The following CDH8 variants were observed in gnomAD, a reference collection of about 807,000 sequenced individuals.
The protein encoded by CDH8 is cadherin 8, also known as cadherin-8.
A neutral mutation model predicts 68.1 loss-of-function variants in CDH8; 17 were observed. The observed-to-expected ratio is 0.25, with a 90% CI of 0.17 to 0.37. The LOEUF (loss-of-function observed/expected upper bound fraction) is 0.37, where lower values mean the gene tolerates loss of function less well. Ranked by LOEUF, CDH8 falls within the 10% of genes least tolerant of loss-of-function variation. The pLI, the probability that CDH8 is intolerant of heterozygous loss-of-function variation, is 1.00. For synonymous variants in CDH8, 372 were observed against 365.1 expected (o/e 1.02, Z -0.21); for missense variants, 763 against 999.3 (o/e 0.76, Z 3.19).
At chr16:61,751,040 G>A (rs905075875) in intron 8 of CDH8, among the ~76,000 whole-genome samples, 2 of 151,946 alleles carry the variant, frequency 1.3e-5, no homozygotes, top group African/African-American at 4.8e-5. Flanking sequence ...GAAAATAAAA[G>A]CAAAGGAAGG....
intron 10 of CDH8, among the ~76,000 whole-genome samples, chr16:61,704,975 T>A (rs2142855456): frequency 6.6e-6 from 1 of 152,306 alleles, no homozygotes; most frequent in East Asian, 1.9e-4. Context: ...CAGTATCACC[T>A]TCTTTTCAGA....
chr16:61,949,531 T>C (rs1257010765), intron 2 of CDH8, among the ~76,000 whole-genome samples: 1 of 152,078 alleles, frequency 6.6e-6, no homozygotes, highest in African/African-American at 2.4e-5. Context: ...GCTCACTCTT[T>C]GGGTCCACAC....
intron 7 of CDH8, among the ~76,000 whole-genome samples, chr16:61,811,063 G>A (rs1032007918): frequency 2.0e-5 from 3 of 150,822 alleles, no homozygotes; most frequent in Non-Finnish European, 3.0e-5. Flanking sequence ...TTAGATAACT[G>A]TGAAGGGCTT....
intron 2 of CDH8, among the ~76,000 whole-genome samples, chr16:61,966,275 C>T (rs1965251027): frequency 6.6e-6 from 1 of 152,092 alleles, no homozygotes; most frequent in Non-Finnish European, 1.5e-5. Context: ...CGCCGTGGCT[C>T]ACGTCTGTAA....
intron 8 of CDH8, among the ~76,000 whole-genome samples, chr16:61,731,022 G>C (rs552498220): frequency 1.2e-4 from 18 of 151,592 alleles, no homozygotes; most frequent in Non-Finnish European, 2.2e-4. Context: ...AAAGATTGAG[G>C]TCACTGCCTC....
At chr16:61,977,883 C>T (rs569619001) in intron 2 of CDH8, among the ~76,000 whole-genome samples, 12 of 152,200 alleles carry the variant, frequency 7.9e-5, no homozygotes, top group African/African-American at 2.9e-4. Flanking sequence ...GAGCTTATCA[C>T]ATGCCTAGCA....
chr16:61,907,840 C>T (rs951605531), intron 2 of CDH8, among the ~76,000 whole-genome samples: 2 of 151,870 alleles, frequency 1.3e-5, no homozygotes, highest in African/African-American at 4.8e-5. Flanking sequence ...GTCAGGAGAT[C>T]GAGACCATCC....
chr16:61,930,228 GAT>G (rs1407493223), intron 2 of CDH8, among the ~76,000 whole-genome samples: 5 of 151,758 alleles, frequency 3.3e-5, no homozygotes, highest in African/African-American at 1.2e-4. Flanking sequence ...TTAATAGAGT[GAT>G]TGCCCAGGAT....
chr16:61,719,994 AACACACACACACACAC>A (rs10595910), intron 9 of CDH8, among the ~76,000 whole-genome samples: 1 of 147,090 alleles, frequency 6.8e-6, no homozygotes, highest in African/African-American at 2.5e-5. Flanking sequence ...CTTATTAGGT[AACACACACACACACAC>A]ACACACACAC....
At position 61,652,895 on chromosome 16, in the gene CDH8, G is replaced by C. The variant is rs977346858; in HGVS notation, c.*713C>G. 4.6e-6 allele frequency: 7 copies of C among 1,525,860 alleles called. No homozygotes were observed. The African/African-American group carries it at 8.2e-5, about 18-fold the overall frequency. The allele number at this position is 1,525,860 out of a possible 1,614,324, so 94.5% of individuals were successfully genotyped here. The stretch of plus-strand genomic sequence containing the variant: ...TGAAGAGGAGGGAACGAGGAATCCT[G>C]CTTCTAGAAAACAAGCATGTTTGAA... On this transcript the variant is annotated 3_prime_UTR_variant, in exon 12 of 12. Transcript: ENST00000577390.
Position 61,653,095 on chromosome 16 carries a change from T to G in CDH8, c.*513A>C. On this transcript the variant is annotated 3_prime_UTR_variant, in exon 12 of 12. Coordinates refer to ENST00000577390, the MANE Select transcript of CDH8 (RefSeq NM_001796.5). Reference sequence around the variant, plus strand: ...ACCGTACTGTATAATCTAGGAGGCCTCTCAAAACTCCAAAAAGTTATAATG... The same window carrying G: ...ACCGTACTGTATAATCTAGGAGGCCGCTCAAAACTCCAAAAAGTTATAATG... The G allele has an allele frequency of 8.0e-7, 1 of 1,257,514 alleles. No individual in the cohort carries two copies. Among genetic ancestry groups the G allele is most frequent in the Non-Finnish European group, 1.0e-6 (1 of 1,002,092 alleles). The allele number at this position is 1,257,514 out of a possible 1,614,324, so 77.9% of individuals were successfully genotyped here. A position where few individuals can be genotyped will look rare whatever the true frequency, so the allele number is the denominator to read the frequency against.
intron 9 of CDH8, among the ~76,000 whole-genome samples, chr16:61,721,352 G>C (rs1471526744): frequency 6.6e-6 from 1 of 150,848 alleles, no homozygotes. Flanking sequence ...TCCCTCTTGT[G>C]TATGCAGATA....
intron 1 of CDH8, among the ~76,000 whole-genome samples, chr16:62,022,838 C>T (rs913605398): frequency 3.9e-5 from 6 of 152,168 alleles, no homozygotes; most frequent in Non-Finnish European, 7.3e-5. Flanking sequence ...AGTATCTGAT[C>T]TAACAAGATG....
At chr16:61,697,441 C>G (rs1334127773) in intron 10 of CDH8, among the ~76,000 whole-genome samples, 1 of 151,974 alleles carries the variant, frequency 6.6e-6, no homozygotes, top group Non-Finnish European at 1.5e-5. Context: ...GAGAACATCT[C>G]TTATCCACAA....
In CDH8 at chr16:61,977,004, GCTCCTGAA is replaced by G. The variant is rs568308867; in HGVS notation, c.252+44140_252+44147del. On this transcript the variant is annotated intron_variant, in intron 2 of 11. Transcript: ENST00000577390. ...ACCTAATAACACATGCAATCAATGG[GCTCCTGAA>G]CTGCATAATATAAGAAGTCAGAATT... is the stretch of plus-strand genomic sequence containing the variant. 3.9e-3 allele frequency among the ~76,000 whole-genome samples: 597 copies of G among 152,202 alleles called. 2 individuals carry two copies. Among genetic ancestry groups the G allele is most frequent in the African/African-American group, 0.014 (561 of 41,534 alleles).
At chr16:61,665,011 T>C (rs566472913) in intron 10 of CDH8, among the ~76,000 whole-genome samples, 44 of 152,154 alleles carry the variant, frequency 2.9e-4, no homozygotes, top group Non-Finnish European at 4.6e-4. Context: ...ACTAAATACG[T>C]AAATAATTCT....
chr16:61,733,003 T>G (rs1959577376), intron 8 of CDH8, among the ~76,000 whole-genome samples: 1 of 151,712 alleles, frequency 6.6e-6, no homozygotes, highest in Admixed American at 6.6e-5. Flanking sequence ...AAGCTATGAA[T>G]ATATACTTTC....
At chr16:61,992,767 G>A (rs755761511) in intron 2 of CDH8, among the ~76,000 whole-genome samples, 8 of 152,024 alleles carry the variant, frequency 5.3e-5, no homozygotes, top group Non-Finnish European at 8.8e-5. Context: ...TCCTGGTGTC[G>A]AACACGGACA....
chr16:61,739,727 C>CG (rs1959805992), intron 8 of CDH8, among the ~76,000 whole-genome samples: 1 of 93,128 alleles, frequency 1.1e-5, no homozygotes, highest in African/African-American at 4.3e-5. Flanking sequence ...GACTCTGCCT[C>CG]AAAAAAAAAA....
Sources: allele counts gnomAD v4.1 joint callset (sites outside exome capture counted in the v4.1 genomes callset), GRCh38; gene constraint gnomAD v4.1.1; transcripts MANE v1.5; gene names NCBI Gene and HGNC (gene_info 2026-07-23, HGNC 2026-07-21).